The following PPM1D variants were observed in gnomAD, a reference collection of about 807,000 sequenced individuals.
PPM1D encodes the protein protein phosphatase 1D.
Under a neutral mutation model 58.3 loss-of-function variants are expected in PPM1D, and 52 were observed. The ratio of observed to expected loss-of-function variants is 0.89; its 90% confidence interval spans 0.71 to 1.12. The LOEUF is 1.12. Among genes scored for constraint, PPM1D ranks in the 50% most tolerant of loss-of-function variants. PPM1D has a pLI of 0.00. For synonymous variants in PPM1D, 278 were observed against 285.1 expected (o/e 0.98, Z 0.25); for missense variants, 564 against 777.2 (o/e 0.73, Z 3.26).
At position 60,663,242 on chromosome 17, in the gene PPM1D, C is replaced by G. The variant is rs375618423; in HGVS notation, c.1508C>G (p.Ser503Ter). The change falls in exon 6 of 6, where the codon TCA (serine) becomes TGA (stop). Residue 503 changes from serine to a stop codon, truncating the protein, a stop_gained. Transcript: ENST00000305921. LOFTEE classifies it high-confidence loss of function. ...CCAATTGGCCTTGTGCCTACTAATT[C>G]AACAAACACTGTCATGGACCAAAAA... is the stretch of plus-strand genomic sequence containing the variant. ...SLPIGLVPTN[S>*]TNTVMDQKNL... The G allele has an allele frequency of 1.9e-6, 3 of 1,614,138 alleles. No homozygotes were observed. Among genetic ancestry groups the G allele is most frequent in the Non-Finnish European group, 2.5e-6 (3 of 1,180,030 alleles).
rs1376652347 is a variant in PPM1D at position 60,600,388 on chromosome 17, G to T, written c.-27G>T. The stretch of plus-strand genomic sequence containing the variant: ...CCGCCGGATTCGGCGGGCTGCGTGG[G>T]ACCGGCGGGATCCCGGCCAGCCGGC... On this transcript the variant is annotated 5_prime_UTR_variant, in exon 1 of 6. Coordinates refer to ENST00000305921, the MANE Select transcript of PPM1D (RefSeq NM_003620.4). 6.5e-7 allele frequency: 1 copy of T among 1,538,138 alleles called. No homozygotes were observed. The highest frequency in any genetic ancestry group is 2.0e-5 in the Admixed American group (1 of 50,620).
intron 1 of PPM1D, among the ~76,000 whole-genome samples, chr17:60,619,700 A>G (rs1157137743): frequency 6.6e-6 from 1 of 150,934 alleles, no homozygotes; most frequent in African/African-American, 2.4e-5. Context: ...TCCTTGGCTC[A>G]ATGGAACCTT....
At chr17:60,646,410 C>G (rs2031251583) in intron 3 of PPM1D, among the ~76,000 whole-genome samples, 1 of 152,104 alleles carries the variant, frequency 6.6e-6, no homozygotes, top group Non-Finnish European at 1.5e-5. Context: ...ACAAAGCTTC[C>G]TCTTGTTTAA....
intron 3 of PPM1D, among the ~76,000 whole-genome samples, chr17:60,641,463 A>C (rs2031132976): frequency 1.3e-5 from 2 of 152,266 alleles, no homozygotes; most frequent in Middle Eastern, 6.8e-3. Context: ...GAATTGTTTA[A>C]GTTCTTTACA....
At chr17:60,651,630 T>G (rs890374325) in intron 4 of PPM1D, among the ~76,000 whole-genome samples, 1 of 152,056 alleles carries the variant, frequency 6.6e-6, no homozygotes, top group Admixed American at 6.6e-5. Flanking sequence ...TCTCCTGACC[T>G]CATGATCCAC....
At chr17:60,639,121 T>A (rs1006413856) in intron 3 of PPM1D, among the ~76,000 whole-genome samples, 13 of 151,908 alleles carry the variant, frequency 8.6e-5, no homozygotes, top group African/African-American at 2.9e-4. Context: ...GAAAAAAAAA[T>A]TATTTTTTTT....
chr17:60,646,822 A>G (rs999807958), intron 3 of PPM1D, among the ~76,000 whole-genome samples: 7 of 152,238 alleles, frequency 4.6e-5, no homozygotes, highest in Admixed American at 1.3e-4. Flanking sequence ...GATAAATGTA[A>G]GAGCTTTCTT....
intron 2 of PPM1D, among the ~76,000 whole-genome samples, chr17:60,633,066 A>G (rs975618249): frequency 1.1e-4 from 16 of 151,008 alleles, no homozygotes; most frequent in African/African-American, 2.4e-4. Flanking sequence ...TGGGCAGATC[A>G]CTTGAGGTTG....
chr17:60,640,506 A>G (rs1327153468), intron 3 of PPM1D, among the ~76,000 whole-genome samples: 1 of 152,152 alleles, frequency 6.6e-6, no homozygotes, highest in Non-Finnish European at 1.5e-5. Flanking sequence ...TCCACCATTC[A>G]TCCTAGATTT....
intron 1 of PPM1D, among the ~76,000 whole-genome samples, chr17:60,601,630 C>T (rs8075681): frequency 0.047 from 7,212 of 152,178 alleles, 604 homozygotes; most frequent in African/African-American, 0.16. Flanking sequence ...CAGATAGTTC[C>T]CAACCGGTTG....
chr17:60,657,392 C>T (rs987049869), intron 5 of PPM1D, among the ~76,000 whole-genome samples: 10 of 152,122 alleles, frequency 6.6e-5, no homozygotes, highest in African/African-American at 2.4e-4. Context: ...AGATATCATA[C>T]TTTTTTGATT....
At chr17:60,633,070 G>C (rs993942083) in intron 2 of PPM1D, among the ~76,000 whole-genome samples, 1 of 152,038 alleles carries the variant, frequency 6.6e-6, no homozygotes, top group African/African-American at 2.4e-5. Context: ...CAGATCACTT[G>C]AGGTTGGGAG....
At chr17:60,627,711 C>T (rs1378803518) in intron 2 of PPM1D, among the ~76,000 whole-genome samples, 1 of 152,060 alleles carries the variant, frequency 6.6e-6, no homozygotes, top group Non-Finnish European at 1.5e-5. Flanking sequence ...TGAGCCAATT[C>T]GCCTGACCAG....
chr17:60,645,446 T>TAA (rs1262767702), intron 3 of PPM1D, among the ~76,000 whole-genome samples: 1 of 129,084 alleles, frequency 7.7e-6, no homozygotes, highest in Non-Finnish European at 1.6e-5. Flanking sequence ...CAAAGCAATG[T>TAA]AAAATATATA....
intron 1 of PPM1D, among the ~76,000 whole-genome samples, chr17:60,601,354 G>T (rs1208720121): frequency 1.3e-5 from 2 of 152,186 alleles, no homozygotes; most frequent in Non-Finnish European, 2.9e-5. Flanking sequence ...TCTCCAGATT[G>T]ACCCGGGATT....
At position 60,663,247 on chromosome 17, in the gene PPM1D, A is replaced by G. The variant is rs1185103543; in HGVS notation, c.1513A>G (p.Asn505Asp). 12 of 1,614,162 alleles carry G rather than the reference A, an allele frequency of 7.4e-6. No individual in the cohort carries two copies. Among genetic ancestry groups the G allele is most frequent in the Non-Finnish European group, 1.0e-5 (12 of 1,180,028 alleles). ...TGGCCTTGTGCCTACTAATTCAACAAACACTGTCATGGACCAAAAAAATTT... is the reference window on the plus strand; with the variant it reads ...TGGCCTTGTGCCTACTAATTCAACAGACACTGTCATGGACCAAAAAAATTT... ...PIGLVPTNST[N>D]TVMDQKNLKM... Residue 505 changes from asparagine to aspartate, a missense_variant, in exon 6 of 6, where the codon AAC becomes GAC. Asn to Asp is a conservative substitution (Grantham distance 23). Transcript: ENST00000305921.
intron 1 of PPM1D, 33 bp downstream of exon 1, chr17:60,600,919 T>A (rs372253251): frequency 6.8e-6 from 11 of 1,610,912 alleles, no homozygotes; most frequent in African/African-American, 1.3e-5. Context: ...CGCCCGCCCC[T>A]TTTTCAGGCA....
At position 60,663,435 on chromosome 17, in the gene PPM1D, C is replaced by T; in HGVS notation, c.1701C>T (p.Pro567=). The T allele has an allele frequency of 6.2e-7, 1 of 1,614,168 alleles. No homozygotes were observed. Among genetic ancestry groups the T allele is most frequent in the South Asian group, 1.1e-5 (1 of 91,084 alleles). The part of the protein sequence containing the change: ...RSSGAQPASL[P]TTSQRKNSVK... ...GTGGTGCTCAGCCTGCAAGTCTCCC[C>T]ACAACCTCACAGCGAAAGAACTCTG... Residue 567 remains proline (P), a synonymous_variant, in exon 6 of 6, where the codon CCC becomes CCT. Coordinates refer to ENST00000305921, the MANE Select transcript of PPM1D (RefSeq NM_003620.4).
rs537955226 is a variant in PPM1D, at chr17:60,641,563, C to T, written c.827-6329C>T. Among the ~76,000 whole-genome samples the T allele has an allele frequency of 6.6e-5, 10 of 152,252 alleles. No homozygotes were observed. The South Asian group carries it at 2.1e-3, about 32-fold the overall frequency. On this transcript the variant is annotated intron_variant, in intron 3 of 5. Coordinates refer to ENST00000305921, the MANE Select transcript of PPM1D (RefSeq NM_003620.4). The stretch of plus-strand genomic sequence containing the variant: ...TGTCTGTTTACTCTGTTGATAGCTT[C>T]TTTTGCTGTGCAGAAGCTCTTTAAT...
Sources: allele counts gnomAD v4.1 joint callset (sites outside exome capture counted in the v4.1 genomes callset), GRCh38; gene constraint gnomAD v4.1.1; transcripts MANE v1.5; gene names NCBI Gene and HGNC (gene_info 2026-07-23, HGNC 2026-07-21).